CCDC63: variants seen among roughly 807,000 people sequenced by gnomAD.
CCDC63 encodes the protein coiled-coil domain containing 63, also known as coiled-coil domain-containing protein 63.
A neutral mutation model predicts 63.6 loss-of-function variants in CCDC63; 54 were observed. The ratio of observed to expected loss-of-function variants is 0.85; its 90% confidence interval spans 0.68 to 1.07. The LOEUF (loss-of-function observed/expected upper bound fraction) is 1.07. Among genes scored for constraint, CCDC63 ranks in the 50% least tolerant of loss-of-function variants. CCDC63 has a pLI of 0.00. For synonymous variants in CCDC63, 253 were observed against 266.1 expected (o/e 0.95, Z 0.48); for missense variants, 637 against 689.6 (o/e 0.92, Z 0.86).
intron 1 of CCDC63, among the ~76,000 whole-genome samples, chr12:110,850,282 A>G (rs1460668772): frequency 6.6e-6 from 1 of 152,228 alleles, no homozygotes; most frequent in African/African-American, 2.4e-5. Flanking sequence ...CTCACATCCC[A>G]TTGGTGAGAA....
intron 7 of CCDC63, among the ~76,000 whole-genome samples, chr12:110,882,987 C>T (rs563964785): frequency 1.6e-4 from 24 of 152,018 alleles, no homozygotes; most frequent in African/African-American, 5.3e-4. Flanking sequence ...TTTGCCCTCC[C>T]GAGTAGCTAG....
rs183519290 is a variant in CCDC63 at position 110,880,353 on chromosome 12, T to C, written c.671+266T>C. 1.4e-3 allele frequency among the ~76,000 whole-genome samples: 213 copies of C among 152,312 alleles called. 1 individual carries two copies. Among genetic ancestry groups the C allele is most frequent in the African/African-American group, 4.9e-3 (204 of 41,578 alleles). On this transcript the variant is annotated intron_variant, in intron 6 of 11. Coordinates refer to ENST00000308208, the MANE Select transcript of CCDC63 (RefSeq NM_152591.3). ...GCAGGCTTAGAGATGCTAAAATGCC[T>C]ACCTGAGATCCAGGTAAGTGGTGAT...
chr12:110,853,372 C>T, intron 2 of CCDC63, 33 bp from the exon 3 acceptor site: 1 of 1,592,514 alleles, frequency 6.3e-7, no homozygotes, highest in Non-Finnish European at 8.5e-7. Flanking sequence ...ACCTGGCCCA[C>T]TACGGCCTCC....
intron 8 of CCDC63, among the ~76,000 whole-genome samples, chr12:110,888,784 T>TTC: frequency 6.9e-6 from 1 of 145,228 alleles, no homozygotes; most frequent in Non-Finnish European, 1.5e-5. Flanking sequence ...TTTTGGTCCT[T>TTC]CTTTCCTTCC....
chr12:110,904,338 CAAA>C (rs112819975), intron 10 of CCDC63, among the ~76,000 whole-genome samples: 1 of 117,056 alleles, frequency 8.5e-6, no homozygotes, highest in Non-Finnish European at 1.8e-5. Context: ...CAGACCTTGT[CAAA>C]AAAAAAAAAA....
chr12:110,881,317 C>G (rs1310140051), intron 7 of CCDC63, 21 bp downstream of exon 7: 42 of 1,603,838 alleles, frequency 2.6e-5, no homozygotes, highest in Non-Finnish European at 3.5e-5. Context: ...CAGGAGCAAG[C>G]TTGTGCTCTC....
At chr12:110,871,484 C>T (rs1162707069) in intron 4 of CCDC63, among the ~76,000 whole-genome samples, 1 of 149,080 alleles carries the variant, frequency 6.7e-6, no homozygotes, top group Non-Finnish European at 1.5e-5. Context: ...AACCATAACA[C>T]TCCTTCCTTC....
intron 3 of CCDC63, among the ~76,000 whole-genome samples, chr12:110,855,037 C>T (rs957279239): frequency 5.3e-5 from 8 of 152,080 alleles, no homozygotes; most frequent in African/African-American, 1.2e-4. Flanking sequence ...GCAATCCGCC[C>T]GCCTAGGCCT....
intron 3 of CCDC63, among the ~76,000 whole-genome samples, 185 bp downstream of exon 3, chr12:110,853,759 G>T (rs572705935): frequency 6.6e-5 from 10 of 152,348 alleles, no homozygotes; most frequent in African/African-American, 2.4e-4. Flanking sequence ...GATGGCTTCA[G>T]TGAAGAGGGG....
chr12:110,884,771 C>G (rs2071256559), intron 8 of CCDC63, among the ~76,000 whole-genome samples: 1 of 152,032 alleles, frequency 6.6e-6, no homozygotes, highest in Non-Finnish European at 1.5e-5. Context: ...ACTGCAACCT[C>G]CACCTCCCCG....
At chr12:110,874,494 A>G (rs1008125847) in intron 5 of CCDC63, among the ~76,000 whole-genome samples, 1 of 152,238 alleles carries the variant, frequency 6.6e-6, no homozygotes, top group African/African-American at 2.4e-5. Context: ...TGTGTTAGTC[A>G]TAGAATTGAA....
chr12:110,896,109 A>T lies in CCDC63; in HGVS notation c.1150-2824A>T, dbSNP rs980162663. 3.9e-5 allele frequency among the ~76,000 whole-genome samples: 6 copies of T among 152,204 alleles called. 1 individual carries two copies. The highest frequency in any genetic ancestry group is 3.9e-4 in the Admixed American group (6 of 15,278). On this transcript the variant is annotated intron_variant, in intron 9 of 11. Coordinates refer to ENST00000308208, the MANE Select transcript of CCDC63 (RefSeq NM_152591.3). ...AAAAAATGAATCCTGTGATTTTTTT[A>T]AAATTGTGATTTTCTTAAATGCACT...
At chr12:110,881,078 G>GC in intron 6 of CCDC63, 37 bp from the exon 7 acceptor site, 1 of 1,549,294 alleles carries the variant, frequency 6.5e-7, no homozygotes, top group Non-Finnish European at 8.7e-7. Flanking sequence ...GAGAGGAGGA[G>GC]CCTCAGATGC....
chr12:110,879,128 T>C (rs960872808), intron 5 of CCDC63, among the ~76,000 whole-genome samples: 1 of 152,232 alleles, frequency 6.6e-6, no homozygotes, highest in East Asian at 1.9e-4. Context: ...AGACCAGTAT[T>C]ACACCCTACA....
At chr12:110,894,858 T>A (rs1324785781) in intron 9 of CCDC63, among the ~76,000 whole-genome samples, 1 of 152,228 alleles carries the variant, frequency 6.6e-6, no homozygotes, top group Non-Finnish European at 1.5e-5. Flanking sequence ...GGCTTTAGCA[T>A]GACTTTGAGG....
At chr12:110,867,000 A>G (rs1454700871) in intron 4 of CCDC63, among the ~76,000 whole-genome samples, 2 of 89,784 alleles carry the variant, frequency 2.2e-5, no homozygotes, top group Non-Finnish European at 4.6e-5. Flanking sequence ...CGGGGGGCTG[A>G]CCCCCCCACC....
At chr12:110,886,107 C>T (rs1447960388) in intron 8 of CCDC63, among the ~76,000 whole-genome samples, 1 of 152,152 alleles carries the variant, frequency 6.6e-6, no homozygotes, top group East Asian at 1.9e-4. Flanking sequence ...GGTAAATTGG[C>T]CAGGCACAGT....
chr12:110,865,464 CAAAAAAAAA>C (rs10585238), intron 4 of CCDC63, among the ~76,000 whole-genome samples: 20 of 102,370 alleles, frequency 2.0e-4, no homozygotes, highest in Admixed American at 2.2e-4. Context: ...CAGCATATAC[CAAAAAAAAA>C]AAAAAAAAAG....
At chr12:110,873,433 A>G (rs955101066) in intron 4 of CCDC63, among the ~76,000 whole-genome samples, 28 of 152,160 alleles carry the variant, frequency 1.8e-4, no homozygotes, top group African/African-American at 5.1e-4. Context: ...TCATTGCAAG[A>G]GCCAAAAAAT....
Sources: allele counts gnomAD v4.1 joint callset (sites outside exome capture counted in the v4.1 genomes callset), GRCh38; gene constraint gnomAD v4.1.1; transcripts MANE v1.5; gene names NCBI Gene and HGNC (gene_info 2026-07-23, HGNC 2026-07-21).